Variants in PRKG2 observed in about 807,000 individuals in gnomAD.
PRKG2 encodes protein kinase cGMP-dependent 2, also known as cGMP-dependent protein kinase 2.
PRKG2 carries 33 observed loss-of-function variants against 97.2 expected under a neutral mutation model. That is an observed-to-expected ratio of 0.34 (90% CI 0.26 to 0.45). PRKG2 has a LOEUF of 0.45. Among genes scored for constraint, PRKG2 ranks in the 20% least tolerant of loss-of-function variants. The pLI is 1.00. For missense variants in PRKG2, 638 were observed against 900.0 expected (o/e 0.71, Z 3.73); for synonymous variants, 330 against 321.8 (o/e 1.03, Z -0.27).
intron 15 of PRKG2, among the ~76,000 whole-genome samples, chr4:81,109,242 C>T (rs1164187575): frequency 6.6e-6 from 1 of 152,178 alleles, no homozygotes; most frequent in Non-Finnish European, 1.5e-5. Context: ...TAGTCTAACA[C>T]TGAAATTTGT....
chr4:81,132,215 T>C (rs1746253860), intron 14 of PRKG2, among the ~76,000 whole-genome samples: 1 of 152,188 alleles, frequency 6.6e-6, no homozygotes, highest in South Asian at 2.1e-4. Context: ...ATTGCTAGTA[T>C]ATAAATGCAG....
In PRKG2 at chr4:81,142,953, C is replaced by T. The variant is rs765482610; in HGVS notation, c.1254-6G>A. The T allele has an allele frequency of 1.9e-6, 3 of 1,598,124 alleles. No homozygotes were observed. The highest frequency in any genetic ancestry group is 2.3e-5 in the South Asian group (2 of 88,838). On this transcript the variant is annotated splice_region_variant and splice_polypyrimidine_tract_variant and intron_variant, in intron 10 of 18. Transcript: ENST00000264399. The stretch of plus-strand genomic sequence containing the variant: ...TCCAGTTAGACATGGACCGCCTGTA[C>T]AAGAGAAGTGAAACTTTACACACAC...
At chr4:81,193,010 G>T (rs1008068789) in intron 2 of PRKG2, 1 of 152,852 alleles carries the variant, frequency 6.5e-6, no homozygotes, top group Non-Finnish European at 1.5e-5. Flanking sequence ...TATATTAGAG[G>T]TCCGTGTTCT....
chr4:81,130,294 G>A (rs1299905755), intron 14 of PRKG2, among the ~76,000 whole-genome samples: 3 of 152,112 alleles, frequency 2.0e-5, no homozygotes, highest in Non-Finnish European at 2.9e-5. Context: ...TCCAGACCCC[G>A]TATGCCTTTG....
At chr4:81,209,719 C>T (rs558745559) in intron 1 of PRKG2, among the ~76,000 whole-genome samples, 2 of 152,138 alleles carry the variant, frequency 1.3e-5, no homozygotes, top group East Asian at 3.9e-4. Flanking sequence ...ATTTATCCAA[C>T]AAGAGAATTT....
At chr4:81,136,188 A>G (rs1746678451) in intron 13 of PRKG2, among the ~76,000 whole-genome samples, 1 of 152,152 alleles carries the variant, frequency 6.6e-6, no homozygotes, top group Non-Finnish European at 1.5e-5. Context: ...AAATCTGTCC[A>G]ATGAAATGTT....
At chr4:81,096,008 G>A (rs770279904) in intron 17 of PRKG2, among the ~76,000 whole-genome samples, 2 of 152,142 alleles carry the variant, frequency 1.3e-5, no homozygotes, top group Non-Finnish European at 2.9e-5. Context: ...ACAATCATCT[G>A]AGCCTTCAAT....
At chr4:81,156,786 C>T (rs528477366) in intron 6 of PRKG2, among the ~76,000 whole-genome samples, 57 of 152,326 alleles carry the variant, frequency 3.7e-4, no homozygotes, top group African/African-American at 1.4e-3. Flanking sequence ...TCACTCAAAA[C>T]CGCCAACTAC....
chr4:81,195,552 C>T (rs1447277545), intron 2 of PRKG2, among the ~76,000 whole-genome samples: 4 of 152,136 alleles, frequency 2.6e-5, no homozygotes, highest in African/African-American at 7.2e-5. Flanking sequence ...TGGGTCTCCT[C>T]ACCCCTCCTG....
Position 81,092,513 on chromosome 4 carries a change from G to GAAGA in PRKG2, c.2127-62_2127-61insTCTT, listed in dbSNP as rs1553916436. On this transcript the variant is annotated intron_variant, in intron 17 of 18. Coordinates refer to ENST00000264399, the MANE Select transcript of PRKG2 (RefSeq NM_006259.3). ...GGAAGGAAGGAAGGAAGGAAGGAAG[G>GAAGA]GAGAAAGAAAGAGACGACAAAAAGG... The GAAGA allele has an allele frequency of 1.1e-3, 1,096 of 983,316 alleles. 22 individuals carry two copies. The African/African-American group carries it at 0.016, about 15-fold the overall frequency. 60.9% of individuals were successfully genotyped at this position (983,316 alleles called of 1,614,324 possible).
intron 15 of PRKG2, among the ~76,000 whole-genome samples, chr4:81,107,937 G>C (rs556742978): frequency 6.6e-6 from 1 of 152,266 alleles, no homozygotes; most frequent in Admixed American, 6.5e-5. Flanking sequence ...GGGCATGGTG[G>C]CTCACGCCTG....
rs1164920079 is a variant in PRKG2 at position 81,137,496 on chromosome 4, T to C, written c.1545-14A>G. On this transcript the variant is annotated splice_polypyrimidine_tract_variant and intron_variant, in intron 12 of 18. Coordinates refer to ENST00000264399, the MANE Select transcript of PRKG2 (RefSeq NM_006259.3). ...GTACGATATAATCTGTGAAGACAGATAAAAACATGGTTATTATTGGAAATC... is the reference window on the plus strand; with the variant it reads ...GTACGATATAATCTGTGAAGACAGACAAAAACATGGTTATTATTGGAAATC... The C allele has an allele frequency of 1.3e-6, 2 of 1,580,690 alleles. No individual in the cohort carries two copies. Among genetic ancestry groups the C allele is most frequent in the Non-Finnish European group, 1.7e-6 (2 of 1,152,522 alleles).
At position 81,091,309 on chromosome 4, in the gene PRKG2, G is replaced by C. The variant is rs867324850; in HGVS notation, c.2193+1077C>G. Among the ~76,000 whole-genome samples, 21 of 152,166 alleles carry C rather than the reference G, an allele frequency of 1.4e-4. No homozygotes were observed. The South Asian group carries it at 4.1e-3, about 30-fold the overall frequency. ...TATTATTATTATTTTTTGAGACGGA[G>C]TCTTGCTCTGTCATCCAGGCTGGAG... On this transcript the variant is annotated intron_variant, in intron 18 of 18. Transcript: ENST00000264399.
rs764556712 is a variant in PRKG2, at chr4:81,144,235, G to A, written c.1250C>T (p.Ala417Val). ...NLNRDDEKRH[A>V]KRSMSNWKLS... The stretch of plus-strand genomic sequence containing the variant: ...AGGAAAACATTCCTCCACTTACTTC[G>A]CATGTCTTTTTTCATCATCACGGTT... Residue 417 changes from alanine (A) to valine (V), a missense_variant, in exon 10 of 19, where the codon GCG becomes GTG. By Grantham distance (64) the Ala-to-Val change is moderately conservative. This residue lies in a region of PRKG2 where 304 missense variants were observed against 460.5 expected (regional missense o/e 0.66). Transcript: ENST00000264399. 9 of 1,602,712 alleles carry A rather than the reference G, an allele frequency of 5.6e-6. No individual in the cohort carries two copies. Among genetic ancestry groups the A allele is most frequent in the African/African-American group, 1.3e-5 (1 of 74,584 alleles).
At chr4:81,140,272 T>C (rs1747143134) in intron 12 of PRKG2, among the ~76,000 whole-genome samples, 2 of 152,136 alleles carry the variant, frequency 1.3e-5, no homozygotes, top group African/African-American at 4.8e-5. Flanking sequence ...AACAATTTAA[T>C]TGGACATTGT....
intron 6 of PRKG2, among the ~76,000 whole-genome samples, chr4:81,161,580 T>C (rs1347602437): frequency 6.6e-6 from 1 of 152,162 alleles, no homozygotes; most frequent in African/African-American, 2.4e-5. Context: ...TCATTCAGGT[T>C]GCTGGAAGGA....
intron 2 of PRKG2, among the ~76,000 whole-genome samples, chr4:81,185,552 T>G (rs1011905152): frequency 1.3e-5 from 2 of 152,070 alleles, no homozygotes; most frequent in African/African-American, 4.8e-5. Flanking sequence ...ATCAACACTA[T>G]GAAGAAACCA....
chr4:81,110,671 C>T, intron 14 of PRKG2, 60 bp from the exon 15 acceptor site: 1 of 1,582,850 alleles, frequency 6.3e-7, no homozygotes, highest in Non-Finnish European at 8.6e-7. Flanking sequence ...CCTCTTTAAG[C>T]CTCCCTCTTA....
At chr4:81,172,137 T>C (rs1288520291) in intron 3 of PRKG2, among the ~76,000 whole-genome samples, 1 of 152,022 alleles carries the variant, frequency 6.6e-6, no homozygotes, top group Admixed American at 6.6e-5. Context: ...GCATAGTAAA[T>C]GCTGTGTGTT....
Sources: gnomAD v4.1 joint callset for allele counts (sites outside exome capture counted in the v4.1 genomes callset) on GRCh38, gnomAD v4.1.1 for gene constraint, gnomAD v4.1.1 regional missense constraint, MANE v1.5 for transcripts, NCBI Gene and HGNC (gene_info 2026-07-23, HGNC 2026-07-21) for gene names.